The following WWC2 variants were observed in gnomAD, a reference collection of about 807,000 sequenced individuals.
WWC2 encodes WW and C2 domain containing 2.
In WWC2, 101 loss-of-function variants were observed where a neutral mutation model predicts 138.5. The ratio of observed to expected loss-of-function variants is 0.73; its 90% CI spans 0.62 to 0.86. The LOEUF is 0.86. Among genes scored for constraint, WWC2 ranks in the 40% least tolerant of loss-of-function variants. The probability of loss-of-function intolerance (pLI) is 0.00; values close to 1 mark genes in which losing one functional copy is unlikely to be tolerated. For synonymous variants in WWC2, 558 were observed against 538.4 expected, an observed-to-expected ratio of 1.04 and a Z score of -0.50; for missense variants, 1,420 against 1,419.4, an observed-to-expected ratio of 1.00 and a Z score of -0.01.
At chr4:183,134,919 C>T (rs755838319) in intron 1 of WWC2, among the ~76,000 whole-genome samples, 6 of 151,394 alleles carry the variant, frequency 4.0e-5, no homozygotes, top group Non-Finnish European at 7.4e-5. Context: ...AAATCTAGTC[C>T]GATATGATCT....
intron 20 of WWC2, among the ~76,000 whole-genome samples, chr4:183,286,500 T>G: frequency 6.6e-6 from 1 of 152,096 alleles, no homozygotes; most frequent in South Asian, 2.1e-4. Context: ...CACAGATATC[T>G]TTAGAAGGTT....
At chr4:183,252,494 G>A (rs953426758) in intron 8 of WWC2, among the ~76,000 whole-genome samples, 2 of 152,170 alleles carry the variant, frequency 1.3e-5, no homozygotes, top group East Asian at 1.9e-4. Flanking sequence ...CATGTGTTAC[G>A]AAGCTCTAGA....
intron 11 of WWC2, among the ~76,000 whole-genome samples, 199 bp downstream of exon 11, chr4:183,261,731 A>G (rs755130111): frequency 2.6e-5 from 4 of 152,180 alleles, no homozygotes; most frequent in Non-Finnish European, 5.9e-5. Flanking sequence ...TACCTTCCCT[A>G]TTTAGTAGAC....
intron 1 of WWC2, among the ~76,000 whole-genome samples, chr4:183,179,845 TG>T (rs1162384623): frequency 6.6e-6 from 1 of 152,150 alleles, no homozygotes; most frequent in Non-Finnish European, 1.5e-5. Context: ...TAACAAACAT[TG>T]AGCACTGTGT....
chr4:183,101,831 T>G (rs549238927), intron 1 of WWC2, among the ~76,000 whole-genome samples: 1 of 152,364 alleles, frequency 6.6e-6, no homozygotes, highest in East Asian at 1.9e-4. Context: ...ACTATGGGTC[T>G]GCAGTACTTT....
At position 183,282,826 on chromosome 4, in the gene WWC2, A is replaced by T. The variant is rs771816819; in HGVS notation, c.2803A>T (p.Met935Leu). 1 of 1,591,266 alleles carries T rather than the reference A, an allele frequency of 6.3e-7. No homozygotes were observed. The highest frequency in any genetic ancestry group is 8.6e-7 in the Non-Finnish European group (1 of 1,168,430). ...DLSSCTSVPEMNEDGNRKESN... is the reference protein window; with the variant it reads ...DLSSCTSVPELNEDGNRKESN... ...AAGTTCATGCACTAGTGTGCCTGAG[A>T]TGAATGAAGACGGGAACAGGAAAGA... Residue 935 changes from methionine to leucine, a missense_variant, in exon 18 of 23, where the codon ATG becomes TTG. Transcript: ENST00000403733.
intron 8 of WWC2, among the ~76,000 whole-genome samples, chr4:183,253,314 T>C (rs1330264133): frequency 6.6e-6 from 1 of 152,106 alleles, no homozygotes. Flanking sequence ...CTAAAACACA[T>C]TGGAATAAAA....
intron 1 of WWC2, among the ~76,000 whole-genome samples, chr4:183,143,849 A>G (rs1733374330): frequency 6.6e-6 from 1 of 152,170 alleles, no homozygotes; most frequent in African/African-American, 2.4e-5. Context: ...AAACATTTTA[A>G]GGCAAGAATT....
At chr4:183,281,507 A>G (rs1176158081) in intron 17 of WWC2, 1 of 152,276 alleles carries the variant, frequency 6.6e-6, no homozygotes, top group Admixed American at 6.5e-5. Context: ...TTCACTTTTT[A>G]AGTATATATG....
intron 1 of WWC2, among the ~76,000 whole-genome samples, chr4:183,142,895 A>T (rs1217781039): frequency 6.6e-6 from 1 of 152,218 alleles, no homozygotes; most frequent in Non-Finnish European, 1.5e-5. Context: ...TAAATTATAT[A>T]TAAAATAAAA....
chr4:183,205,360 G>T (rs1735420496), intron 2 of WWC2, among the ~76,000 whole-genome samples: 1 of 152,150 alleles, frequency 6.6e-6, no homozygotes. Context: ...TTGCACAATA[G>T]TCAGTAGATG....
chr4:183,229,756 T>C (rs1270078751), intron 4 of WWC2, among the ~76,000 whole-genome samples: 1 of 152,062 alleles, frequency 6.6e-6, no homozygotes, highest in African/African-American at 2.4e-5. Flanking sequence ...GACAAGAAAG[T>C]GAGGAACTGT....
chr4:183,195,118 G>A (rs1735100014), intron 2 of WWC2, among the ~76,000 whole-genome samples: 1 of 152,282 alleles, frequency 6.6e-6, no homozygotes, highest in East Asian at 1.9e-4. Context: ...AATGTCATCT[G>A]TAAGGGTGAA....
intron 16 of WWC2, among the ~76,000 whole-genome samples, chr4:183,276,103 A>C (rs1041073459): frequency 6.6e-6 from 1 of 152,064 alleles, no homozygotes; most frequent in Non-Finnish European, 1.5e-5. Context: ...TTGTTTTAAA[A>C]TCTACTTTGT....
chr4:183,186,830 A>G (rs1056102020), intron 1 of WWC2, among the ~76,000 whole-genome samples: 2 of 152,112 alleles, frequency 1.3e-5, no homozygotes, highest in African/African-American at 4.8e-5. Context: ...GTACCAGGTG[A>G]CAAAACTCAT....
At chr4:183,104,919 A>T (rs1743301148) in intron 1 of WWC2, among the ~76,000 whole-genome samples, 9 of 152,076 alleles carry the variant, frequency 5.9e-5, no homozygotes, top group Admixed American at 5.9e-4. Flanking sequence ...TTATTTATTT[A>T]TTTTTTGAGA....
chr4:183,171,558 CTT>C (rs1561447056), intron 1 of WWC2, among the ~76,000 whole-genome samples: 2 of 151,994 alleles, frequency 1.3e-5, no homozygotes, highest in Admixed American at 6.5e-5. Context: ...GGTAGGGAAA[CTT>C]TTCTGACTTT....
At chr4:183,308,755 A>G (rs7677983) in intron 21 of WWC2, among the ~76,000 whole-genome samples, 131,380 of 152,150 alleles carry the variant, frequency 0.86, 57,083 homozygotes, top group Non-Finnish European at 0.93. Context: ...TTGTTATGCT[A>G]TATTTAATGA....
At chr4:183,254,043 G>T in intron 9 of WWC2, 44 bp downstream of exon 9, 2 of 1,596,702 alleles carry the variant, frequency 1.3e-6, no homozygotes, top group Non-Finnish European at 1.7e-6. Context: ...CTCTTGTGGG[G>T]GTGTCTTAAC....
Sources: gnomAD v4.1 joint callset for allele counts (sites outside exome capture counted in the v4.1 genomes callset) on GRCh38, gnomAD v4.1.1 for gene constraint, MANE v1.5 for transcripts, NCBI Gene and HGNC (gene_info 2026-07-23, HGNC 2026-07-21) for gene names.